The following P2RY8 variants were observed in gnomAD, a reference collection of about 807,000 sequenced individuals.
P2RY8 encodes the protein S-geranylgeranyl-glutathione receptor P2RY8.
A neutral mutation model predicts 10.0 loss-of-function variants in P2RY8; 6 were observed. That is an observed-to-expected ratio of 0.60 (90% CI 0.33 to 1.19). The LOEUF is 1.19. P2RY8 is among the 50% of genes most tolerant of loss of function. The pLI is 0.04. For missense variants in P2RY8, 456 were observed against 542.0 expected (o/e 0.84, Z 1.58); for synonymous variants, 276 against 252.5 (o/e 1.09, Z -0.88).
chrX:1,524,207 G>A (rs2092412847), intron 1 of P2RY8, among the ~76,000 whole-genome samples: 1 of 152,056 alleles, frequency 6.6e-6, no homozygotes, highest in Admixed American at 6.6e-5. Context: ...TGTGGGGGGA[G>A]CATTGAGAAT....
intron 1 of P2RY8, among the ~76,000 whole-genome samples, chrX:1,500,636 GGTTTCTACTAAAT>G (rs2092169236): frequency 6.6e-6 from 1 of 151,962 alleles, no homozygotes; most frequent in Non-Finnish European, 1.5e-5. Flanking sequence ...GTAGAGACGG[GGTTTCTACTAAAT>G]GTTGGCCAGG....
chrX:1,497,129 G>A (rs2092124474), intron 1 of P2RY8, among the ~76,000 whole-genome samples: 1 of 149,500 alleles, frequency 6.7e-6, no homozygotes, highest in African/African-American at 2.5e-5. Flanking sequence ...GACTGAGGCA[G>A]GAGAATCACT....
chrX:1,531,979 C>T (rs753030115), intron 1 of P2RY8, among the ~76,000 whole-genome samples: 1 of 152,182 alleles, frequency 6.6e-6, no homozygotes, highest in East Asian at 1.9e-4. Flanking sequence ...ACTAGTACAG[C>T]CACTATAGAA....
At chrX:1,506,510 G>T (rs1603457958) in intron 1 of P2RY8, among the ~76,000 whole-genome samples, 1 of 152,034 alleles carries the variant, frequency 6.6e-6, no homozygotes, top group African/African-American at 2.4e-5. Flanking sequence ...CTGAGCTGGG[G>T]GTATCAGGAG....
intron 1 of P2RY8, among the ~76,000 whole-genome samples, chrX:1,497,249 A>G (rs753468772): frequency 6.7e-6 from 1 of 149,984 alleles, no homozygotes; most frequent in Admixed American, 6.7e-5. Flanking sequence ...AAAGAAAAAG[A>G]AAAAAAAGAA....
At chrX:1,535,710 C>G (rs1221540412) in intron 1 of P2RY8, among the ~76,000 whole-genome samples, 2 of 145,356 alleles carry the variant, frequency 1.4e-5, no homozygotes, top group African/African-American at 5.1e-5. Flanking sequence ...CACACACACA[C>G]ACACAGACAC....
intron 1 of P2RY8, among the ~76,000 whole-genome samples, chrX:1,485,400 A>G (rs1490959971): frequency 6.6e-6 from 1 of 152,048 alleles, no homozygotes; most frequent in Admixed American, 6.6e-5. Flanking sequence ...TGGCCACCCA[A>G]AATGCTAGGA....
At chrX:1,482,999 C>G (rs1170492126) in intron 1 of P2RY8, among the ~76,000 whole-genome samples, 6 of 151,764 alleles carry the variant, frequency 4.0e-5, no homozygotes, top group African/African-American at 1.5e-4. Flanking sequence ...TGCTAAATGA[C>G]GAGTTAATGG....
chrX:1,462,927 G>A lies in P2RY8; in HGVS notation c.*2552C>T. 1 of 233,008 alleles carries A rather than the reference G, an allele frequency of 4.3e-6. No individual in the cohort carries two copies. The highest frequency in any genetic ancestry group is 8.5e-6 in the Non-Finnish European group (1 of 117,940). The allele number at this position is 233,008 out of a possible 1,614,324, so 14.4% of individuals were successfully genotyped here. On this transcript the variant is annotated 3_prime_UTR_variant, in exon 2 of 2. Coordinates refer to ENST00000381297, the MANE Select transcript of P2RY8 (RefSeq NM_178129.5). The stretch of plus-strand genomic sequence containing the variant: ...GGAAACATCCACGGCTGTAAGAGGG[G>A]GTGTCGGCTGCTCTCCATAGCCAAG...
chrX:1,516,353 G>C (rs773781099), intron 1 of P2RY8, among the ~76,000 whole-genome samples: 1 of 152,194 alleles, frequency 6.6e-6, no homozygotes, highest in East Asian at 1.9e-4. Context: ...GGGAGAAGAC[G>C]GTGTCTACAA....
At chrX:1,511,839 A>C (rs1372107278) in intron 1 of P2RY8, among the ~76,000 whole-genome samples, 3 of 152,174 alleles carry the variant, frequency 2.0e-5, no homozygotes, top group African/African-American at 7.2e-5. Flanking sequence ...CCTGATTGAC[A>C]CATGGCCTCC....
chrX:1,486,221 C>A (rs1316613020), intron 1 of P2RY8, among the ~76,000 whole-genome samples: 4 of 152,144 alleles, frequency 2.6e-5, no homozygotes, highest in Non-Finnish European at 4.4e-5. Context: ...TCTGTCTCAA[C>A]AACAACAAAA....
intron 1 of P2RY8, among the ~76,000 whole-genome samples, chrX:1,472,980 AT>A (rs1289665043): frequency 1.5e-3 from 7 of 4,522 alleles, no homozygotes; most frequent in Non-Finnish European, 1.3e-3. Flanking sequence ...GGGTGGATGG[AT>A]GGGGGTGGGT....
chrX:1,466,619 G>A lies in P2RY8; in HGVS notation c.-24-37C>T, dbSNP rs2091681588. On this transcript the variant is annotated intron_variant, in intron 1 of 1. Coordinates refer to ENST00000381297, the MANE Select transcript of P2RY8 (RefSeq NM_178129.5). ...GGAGGGAAGGGTGTACGGGTCAGGGGCGCAGGTAAAGAGGCGGCTGCCGGG... is the reference window on the plus strand; with the variant it reads ...GGAGGGAAGGGTGTACGGGTCAGGGACGCAGGTAAAGAGGCGGCTGCCGGG... The A allele has an allele frequency of 5.1e-5, 78 of 1,535,632 alleles. 2 individuals are homozygous for A. The South Asian group carries it at 9.5e-4, about 19-fold the overall frequency.
At chrX:1,490,540 C>T (rs28541408) in intron 1 of P2RY8, among the ~76,000 whole-genome samples, 1,967 of 142,080 alleles carry the variant, frequency 0.014, 79 homozygotes, top group African/African-American at 0.049. Context: ...ATGAATGATA[C>T]CCCGGATTCA....
intron 1 of P2RY8, among the ~76,000 whole-genome samples, chrX:1,534,136 A>G (rs1396770325): frequency 7.4e-6 from 1 of 134,822 alleles, no homozygotes; most frequent in Non-Finnish European, 1.5e-5. Flanking sequence ...ATATTTATAT[A>G]TATTTACATA....
chrX:1,490,695 A>G (rs1444307264), intron 1 of P2RY8, among the ~76,000 whole-genome samples: 3 of 148,224 alleles, frequency 2.0e-5, no homozygotes, highest in Non-Finnish European at 3.0e-5. Context: ...CTGCAAATGT[A>G]GAGAGAATGA....
intron 1 of P2RY8, among the ~76,000 whole-genome samples, chrX:1,469,715 C>A (rs1183999494): frequency 6.6e-6 from 1 of 151,544 alleles, no homozygotes; most frequent in African/African-American, 2.4e-5. Context: ...CACGGTGAAA[C>A]CCCATCTCTA....
At chrX:1,516,190 T>A (rs2092347002) in intron 1 of P2RY8, among the ~76,000 whole-genome samples, 1 of 125,580 alleles carries the variant, frequency 8.0e-6, no homozygotes, top group African/African-American at 3.1e-5. Context: ...AGAGTGAAAC[T>A]CCACCTCAGA....
Sources: allele counts gnomAD v4.1 joint callset (sites outside exome capture counted in the v4.1 genomes callset), GRCh38; gene constraint gnomAD v4.1.1; transcripts MANE v1.5; gene names NCBI Gene and HGNC (gene_info 2026-07-23, HGNC 2026-07-21).